Variants in CDR2 observed in about 807,000 individuals in gnomAD.
CDR2 encodes the protein cerebellar degeneration related protein 2.
Under a neutral mutation model 48.4 loss-of-function variants are expected in CDR2, and 34 were observed. The ratio of observed to expected loss-of-function variants is 0.70; its 90% CI spans 0.53 to 0.94. The LOEUF (loss-of-function observed/expected upper bound fraction) is 0.94, where lower values mean the gene tolerates loss of function less well. Ranked by LOEUF, CDR2 falls within the 40% of genes least tolerant of loss-of-function variation. CDR2 has a pLI of 0.00. For synonymous variants in CDR2, 240 were observed against 219.7 expected (o/e 1.09, Z -0.82); for missense variants, 498 against 549.5 (o/e 0.91, Z 0.94).
intron 1 of CDR2, among the ~76,000 whole-genome samples, chr16:22,373,934 A>C (rs1352897663): frequency 6.6e-6 from 1 of 152,258 alleles, no homozygotes; most frequent in East Asian, 1.9e-4. Context: ...GGAGGAATGC[A>C]GTGAGGATTA....
At chr16:22,371,934 C>T (rs2049081226) in intron 1 of CDR2, among the ~76,000 whole-genome samples, 1 of 151,926 alleles carries the variant, frequency 6.6e-6, no homozygotes, top group Non-Finnish European at 1.5e-5. Flanking sequence ...TGCAATAGCA[C>T]GATCTCAGCT....
intron 2 of CDR2, among the ~76,000 whole-genome samples, chr16:22,352,599 C>T (rs2048949774): frequency 6.6e-6 from 1 of 151,900 alleles, no homozygotes; most frequent in African/African-American, 2.4e-5. Context: ...ATTTCTGCAT[C>T]AAAAAGTATG....
intron 1 of CDR2, among the ~76,000 whole-genome samples, chr16:22,372,475 C>T (rs1173327056): frequency 1.3e-5 from 2 of 152,152 alleles, no homozygotes; most frequent in African/African-American, 4.8e-5. Flanking sequence ...GAAAAAAGAA[C>T]CTGCCCCCTC....
intron 2 of CDR2, among the ~76,000 whole-genome samples, chr16:22,358,507 T>C (rs2048991036): frequency 1.3e-5 from 2 of 151,916 alleles, no homozygotes; most frequent in African/African-American, 4.8e-5. Context: ...GCCAGCAGAA[T>C]TACATAAATA....
At position 22,349,769 on chromosome 16, in the gene CDR2, T is replaced by C. The variant is rs1008663378; in HGVS notation, c.273A>G (p.Ala91=). Residue 91 remains alanine, a synonymous_variant, in exon 3 of 5, where the codon GCA becomes GCG. Coordinates refer to ENST00000268383, the MANE Select transcript of CDR2 (RefSeq NM_001802.2). ...AKVYEQLDVT[A]RELEETNQKL... ...TTTGATTTGTTTCTTCCAGTTCCCT[T>C]GCTGTGACGTCTAATTGTTCATAAA... The C allele has an allele frequency of 6.2e-7, 1 of 1,614,094 alleles. No individual in the cohort carries two copies. The highest frequency in any genetic ancestry group is 1.6e-4 in the Middle Eastern group (1 of 6,062).
chr16:22,372,725 C>T (rs1044614416), intron 1 of CDR2, among the ~76,000 whole-genome samples: 1 of 152,178 alleles, frequency 6.6e-6, no homozygotes, highest in Admixed American at 6.5e-5. Context: ...GCACTGCAAC[C>T]ACTAAGTAGC....
chr16:22,349,952 G>T, intron 2 of CDR2, 103 bp from the exon 3 acceptor site: 2 of 1,028,370 alleles, frequency 1.9e-6, no homozygotes, highest in Non-Finnish European at 2.9e-6. Flanking sequence ...ACTTTGGGAG[G>T]CCAAGACGTG....
intron 1 of CDR2, chr16:22,367,238 G>A (rs772790136): frequency 6.6e-6 from 1 of 152,232 alleles, no homozygotes; most frequent in Non-Finnish European, 1.5e-5. Context: ...ATGCTGCCCA[G>A]GATGATCTCA....
At chr16:22,358,150 CTGAA>C (rs1250845318) in intron 2 of CDR2, among the ~76,000 whole-genome samples, 1 of 151,994 alleles carries the variant, frequency 6.6e-6, no homozygotes, top group African/African-American at 2.4e-5. Flanking sequence ...CATTTTTTTT[CTGAA>C]TCTAGAAGGA....
chr16:22,370,830 T>A lies in CDR2; in HGVS notation c.79+3401A>T, dbSNP rs1395497776. Among the ~76,000 whole-genome samples the A allele has an allele frequency of 5.9e-5, 9 of 152,330 alleles. No homozygotes were observed. In the South Asian group the frequency reaches 1.4e-3, roughly 25 times the overall value. ...AAACGGATACCCTAGGAAACTTTGA[T>A]ACAAAGATTCAATCTATTCAGAGCA... On this transcript the variant is annotated intron_variant, in intron 1 of 4. Coordinates refer to ENST00000268383, the MANE Select transcript of CDR2 (RefSeq NM_001802.2).
intron 2 of CDR2, among the ~76,000 whole-genome samples, chr16:22,359,488 T>C (rs1006510557): frequency 2.0e-5 from 3 of 152,156 alleles, no homozygotes; most frequent in African/African-American, 7.2e-5. Context: ...AAAATATATA[T>C]GCTTCCATAA....
chr16:22,359,977 C>T (rs938889628), intron 2 of CDR2, among the ~76,000 whole-genome samples: 1 of 152,148 alleles, frequency 6.6e-6, no homozygotes, highest in East Asian at 1.9e-4. Context: ...TTGATACATG[C>T]AGTAAAAGCA....
chr16:22,374,088 G>T (rs891011213), intron 1 of CDR2, 143 bp downstream of exon 1: 11 of 543,008 alleles, frequency 2.0e-5, no homozygotes, highest in South Asian at 4.5e-5. Context: ...CCGCGGGCAC[G>T]GCCGGCCCAG....
intron 2 of CDR2, among the ~76,000 whole-genome samples, chr16:22,356,211 G>A (rs1391933023): frequency 6.6e-6 from 1 of 152,040 alleles, no homozygotes; most frequent in East Asian, 1.9e-4. Flanking sequence ...ATTTTAAGAG[G>A]ATTATCCTAG....
chr16:22,351,205 T>C (rs1322673468), intron 2 of CDR2, among the ~76,000 whole-genome samples: 2 of 152,250 alleles, frequency 1.3e-5, no homozygotes, highest in African/African-American at 4.8e-5. Flanking sequence ...TCCTTTTTTA[T>C]GGCTGCATAG....
intron 1 of CDR2, 37 bp downstream of exon 1, chr16:22,374,194 A>G (rs774947361): frequency 6.0e-5 from 87 of 1,443,786 alleles, no homozygotes; most frequent in Non-Finnish European, 7.9e-5. Flanking sequence ...CTCCCGGGCC[A>G]GGCCGCCGCC....
rs200226762 is a variant in CDR2, at chr16:22,351,291, C to A, written c.193-1442G>T. ...ATGGACATTTGGGTTGGTTCCAAGT[C>A]TTTGCTATTGTGAATAGTGCCGCAA... is the stretch of plus-strand genomic sequence containing the variant. On this transcript the variant is annotated intron_variant, in intron 2 of 4. Transcript: ENST00000268383. 1.2e-4 allele frequency among the ~76,000 whole-genome samples: 18 copies of A among 152,288 alleles called. No individual in the cohort carries two copies. In the East Asian group the frequency reaches 1.5e-3, roughly 13 times the overall value.
chr16:22,363,197 C>T (rs563360581), intron 2 of CDR2, among the ~76,000 whole-genome samples: 1 of 152,276 alleles, frequency 6.6e-6, no homozygotes, highest in African/African-American at 2.4e-5. Context: ...CTGCCTCTGC[C>T]TCCCAAAGTG....
At chr16:22,357,809 A>G (rs2048985267) in intron 2 of CDR2, among the ~76,000 whole-genome samples, 1 of 152,182 alleles carries the variant, frequency 6.6e-6, no homozygotes, top group Non-Finnish European at 1.5e-5. Flanking sequence ...AAACTATAGA[A>G]AGTTCCTTGT....
Sources: allele counts gnomAD v4.1 joint callset (sites outside exome capture counted in the v4.1 genomes callset), GRCh38; gene constraint gnomAD v4.1.1; transcripts MANE v1.5; gene names NCBI Gene and HGNC (gene_info 2026-07-23, HGNC 2026-07-21).